TENT2: variants seen among roughly 807,000 people sequenced by gnomAD.
The protein encoded by TENT2 is poly(A) RNA polymerase GLD2.
In TENT2, 44 loss-of-function variants were observed where a neutral mutation model predicts 72.2. That is an observed-to-expected ratio of 0.61 (90% CI 0.48 to 0.78). The LOEUF (loss-of-function observed/expected upper bound fraction) is 0.78, where lower values mean the gene tolerates loss of function less well. TENT2 is among the 30% of genes least tolerant of loss of function. The probability of loss-of-function intolerance (pLI) is 0.00; values close to 1 mark genes in which losing one functional copy is unlikely to be tolerated. For missense variants in TENT2, 541 were observed against 569.6 expected (o/e 0.95, Z 0.51); for synonymous variants, 212 against 192.5 (o/e 1.10, Z -0.84).
At chr5:79,660,850 C>T (rs1020411132) in intron 11 of TENT2, among the ~76,000 whole-genome samples, 5 of 152,132 alleles carry the variant, frequency 3.3e-5, no homozygotes, top group African/African-American at 1.2e-4. Context: ...GAAATGACAG[C>T]TCCATGCATG....
chr5:79,628,610 A>T (rs1477689016), intron 4 of TENT2, among the ~76,000 whole-genome samples: 1 of 152,164 alleles, frequency 6.6e-6, no homozygotes, highest in Non-Finnish European at 1.5e-5. Flanking sequence ...AAGAGACATG[A>T]ATGACTTCAG....
rs1763484094 is a variant in TENT2 at position 79,620,016 on chromosome 5, C to T, written c.160C>T (p.Gln54Ter). 1.2e-6 allele frequency: 2 copies of T among 1,610,676 alleles called. No individual in the cohort carries two copies. Among genetic ancestry groups the T allele is most frequent in the Non-Finnish European group, 1.7e-6 (2 of 1,177,826 alleles). The change falls in exon 3 of 15, where the codon CAG becomes TAG. Residue 54 changes from glutamine to a stop codon, truncating the protein, a stop_gained. Transcript: ENST00000453514. LOFTEE classifies it high-confidence loss of function. ...TAGCTTGTCTAGAGCTGTGTCATTA[C>T]AGCAGCTGACATATGGAAATGTCAG... ...NADLSRAVSL[Q>*]QLTYGNVSPI...
At chr5:79,669,688 C>T (rs1370341444) in intron 12 of TENT2, among the ~76,000 whole-genome samples, 1 of 151,800 alleles carries the variant, frequency 6.6e-6, no homozygotes, top group Non-Finnish European at 1.5e-5. Flanking sequence ...GAGGCAGGTA[C>T]AGTTACCATT....
At chr5:79,648,155 A>T (rs1359041776) in intron 8 of TENT2, among the ~76,000 whole-genome samples, 1 of 152,076 alleles carries the variant, frequency 6.6e-6, no homozygotes, top group Non-Finnish European at 1.5e-5. Flanking sequence ...AGATTTAAAA[A>T]TTTTCGGCTG....
chr5:79,683,076 C>T (rs112573431), intron 14 of TENT2, among the ~76,000 whole-genome samples: 1 of 151,826 alleles, frequency 6.6e-6, no homozygotes, highest in African/African-American at 2.4e-5. Context: ...ACCAGGAGTT[C>T]GAGGCTGCAG....
chr5:79,682,105 G>A (rs946507004), intron 14 of TENT2, 44 bp downstream of exon 14: 1 of 1,446,712 alleles, frequency 6.9e-7, no homozygotes, highest in Non-Finnish European at 9.6e-7. Context: ...TAGTAGACTA[G>A]TATGCTTTAA....
chr5:79,626,368 T>C (rs1236763759), intron 4 of TENT2, among the ~76,000 whole-genome samples: 1 of 149,814 alleles, frequency 6.7e-6, no homozygotes, highest in Non-Finnish European at 1.5e-5. Flanking sequence ...AGTGCAGTGG[T>C]ACGAACTCGG....
chr5:79,612,599 AG>A lies in TENT2; in HGVS notation c.-508del, dbSNP rs1227695399. ...TGTTGCTCCTCCCCTGGCAGCCGTG[AG>A]GGGGGTTAGATCTCAGCCGGAGCCG... is the stretch of plus-strand genomic sequence containing the variant. On this transcript the variant is annotated 5_prime_UTR_variant, in exon 1 of 15. Transcript: ENST00000453514. The A allele has an allele frequency of 6.5e-6, 1 of 153,136 alleles. No homozygotes were observed. Among genetic ancestry groups the A allele is most frequent in the Non-Finnish European group, 1.5e-5 (1 of 68,608 alleles). The allele number at this position is 153,136 out of a possible 1,614,324, so 9.5% of individuals were successfully genotyped here.
Position 79,651,970 on chromosome 5 carries a change from G to A in TENT2, c.1027+2780G>A, listed in dbSNP as rs371643127. Among the ~76,000 whole-genome samples, 12 of 152,102 alleles carry A rather than the reference G, an allele frequency of 7.9e-5. No individual in the cohort carries two copies. In the East Asian group the frequency reaches 2.3e-3, roughly 29 times the overall value. On this transcript the variant is annotated intron_variant, in intron 10 of 14. Transcript: ENST00000453514. ...CACTTGAACATGTATTACAGATGTAGGGATTAATATTCTTAAATTGGCAGT... is the reference window on the plus strand; with the variant it reads ...CACTTGAACATGTATTACAGATGTAAGGATTAATATTCTTAAATTGGCAGT...
intron 14 of TENT2, 34 bp from the exon 15 acceptor site, chr5:79,685,165 T>TAAAA: frequency 2.0e-6 from 3 of 1,471,202 alleles, no homozygotes; most frequent in Non-Finnish European, 2.8e-6. Context: ...GCATAAATTT[T>TAAAA]AGGTTTTAAG....
chr5:79,683,825 G>C (rs1290732955), intron 14 of TENT2, among the ~76,000 whole-genome samples: 2 of 147,364 alleles, frequency 1.4e-5, no homozygotes, highest in Non-Finnish European at 3.0e-5. Flanking sequence ...GAGGCTGAGG[G>C]AGGCAGGAGA....
chr5:79,676,702 AT>A (rs61405431), intron 12 of TENT2, among the ~76,000 whole-genome samples: 1,878 of 152,314 alleles, frequency 0.012, 41 homozygotes, highest in African/African-American at 0.043. Flanking sequence ...TCTCAGTTTT[AT>A]ATTTAAAAGA....
At chr5:79,676,621 A>G (rs933271632) in intron 12 of TENT2, among the ~76,000 whole-genome samples, 1 of 152,162 alleles carries the variant, frequency 6.6e-6, no homozygotes, top group Non-Finnish European at 1.5e-5. Context: ...AAGAGAGTTT[A>G]TTGATGAATG....
At chr5:79,663,350 T>G (rs1437377366) in intron 11 of TENT2, among the ~76,000 whole-genome samples, 1 of 152,214 alleles carries the variant, frequency 6.6e-6, no homozygotes, top group Non-Finnish European at 1.5e-5. Context: ...CTGGCTGTCT[T>G]TGGTGCAAGA....
intron 4 of TENT2, 67 bp downstream of exon 4, chr5:79,623,556 A>C: frequency 1.8e-6 from 2 of 1,107,976 alleles, no homozygotes; most frequent in South Asian, 3.5e-5. Flanking sequence ...TTAATCAAAA[A>C]TATTTAATAT....
intron 12 of TENT2, among the ~76,000 whole-genome samples, chr5:79,674,756 G>A (rs1815863887): frequency 6.6e-6 from 1 of 152,168 alleles, no homozygotes; most frequent in South Asian, 2.1e-4. Context: ...ATAATACATA[G>A]ATGATATAAA....
intron 1 of TENT2, among the ~76,000 whole-genome samples, chr5:79,615,701 TC>T (rs1759192820): frequency 1.4e-5 from 2 of 141,436 alleles, no homozygotes; most frequent in African/African-American, 6.0e-5. Flanking sequence ...CCAAGATTTT[TC>T]TTTTTTCTTT....
At chr5:79,676,163 TACACAC>T (rs59618310) in intron 12 of TENT2, among the ~76,000 whole-genome samples, 1,687 of 147,436 alleles carry the variant, frequency 0.011, 15 homozygotes, top group South Asian at 0.036. Flanking sequence ...TATATATGTA[TACACAC>T]ACACACACAC....
chr5:79,658,320 A>G (rs771848954), intron 11 of TENT2, among the ~76,000 whole-genome samples: 3 of 151,516 alleles, frequency 2.0e-5, no homozygotes, highest in African/African-American at 7.3e-5. Flanking sequence ...GGTAACTTGA[A>G]CTTTTTGGCC....
Sources: gnomAD v4.1 joint callset for allele counts (sites outside exome capture counted in the v4.1 genomes callset) on GRCh38, gnomAD v4.1.1 for gene constraint, MANE v1.5 for transcripts, NCBI Gene and HGNC (gene_info 2026-07-23, HGNC 2026-07-21) for gene names.